ATL2: variants seen among roughly 807,000 people sequenced by gnomAD.
The protein encoded by ATL2 is atlastin GTPase 2.
A neutral mutation model predicts 73.9 loss-of-function variants in ATL2; 31 were observed. The observed-to-expected ratio is 0.42, with a 90% CI of 0.32 to 0.57. The LOEUF is 0.57. Among genes scored for constraint, ATL2 ranks in the 20% least tolerant of loss-of-function variants. The pLI, the probability that ATL2 is intolerant of heterozygous loss-of-function variation, is 0.14. For synonymous variants in ATL2, 291 were observed against 237.5 expected (o/e 1.23, Z -2.07); for missense variants, 738 against 702.6 (o/e 1.05, Z -0.57).
At chr2:38,327,538 T>TACAAAAAAAAAAAAAAAAAAA (rs1668734402) in intron 2 of ATL2, among the ~76,000 whole-genome samples, 1 of 39,484 alleles carries the variant, frequency 2.5e-5, no homozygotes, top group Non-Finnish European at 4.9e-5. Context: ...AAAAAAAAAG[T>TACAAAAAAAAAAAAAAAAAAA]ACAAAAAAAA....
intron 2 of ATL2, among the ~76,000 whole-genome samples, chr2:38,331,652 A>G (rs1406851667): frequency 6.6e-6 from 1 of 151,204 alleles, no homozygotes; most frequent in Admixed American, 6.6e-5. Flanking sequence ...ATACAGATCA[A>G]TGGAATAGAA....
At chr2:38,335,234 TC>T (rs1362679345) in intron 2 of ATL2, among the ~76,000 whole-genome samples, 3 of 151,854 alleles carry the variant, frequency 2.0e-5, no homozygotes, top group African/African-American at 4.8e-5. Context: ...ACCCAGCAAT[TC>T]TACTCCTGGG....
chr2:38,375,772 A>G (rs906472598), intron 1 of ATL2, among the ~76,000 whole-genome samples: 5 of 152,236 alleles, frequency 3.3e-5, no homozygotes, highest in Admixed American at 1.3e-4. Flanking sequence ...TCTAAGGCGA[A>G]GCTGCTTCTT....
At position 38,318,987 on chromosome 2, in the gene ATL2, T is replaced by C; in HGVS notation, c.396A>G (p.Glu132=). The C allele has an allele frequency of 6.2e-7, 1 of 1,613,970 alleles. No individual in the cohort carries two copies. ...DSQSWIGGNN[E]PLTGFTWRGG... Reference sequence around the variant, plus strand: ...CTCGCCATGTAAAGCCTGTCAATGGTTCATTGTTTCCACCAATCCAACTTT... The same window carrying C: ...CTCGCCATGTAAAGCCTGTCAATGGCTCATTGTTTCCACCAATCCAACTTT... The change falls in exon 3 of 13, where the codon GAA becomes GAG. Residue 132 remains glutamate, a synonymous_variant. Coordinates refer to ENST00000378954, the MANE Select transcript of ATL2 (RefSeq NM_001135673.4).
chr2:38,298,725 A>G (rs892727170), intron 11 of ATL2, 150 bp from the exon 12 acceptor site: 1 of 821,776 alleles, frequency 1.2e-6, no homozygotes, highest in Non-Finnish European at 1.9e-6. Flanking sequence ...GGTTATCATA[A>G]TCTAGTTATT....
intron 2 of ATL2, among the ~76,000 whole-genome samples, chr2:38,331,252 A>T (rs781550588): frequency 2.0e-5 from 3 of 151,952 alleles, no homozygotes; most frequent in Non-Finnish European, 4.4e-5. Context: ...GGCCAACTCG[A>T]TGGTAAAACT....
intron 1 of ATL2, among the ~76,000 whole-genome samples, chr2:38,357,928 A>T (rs546557261): frequency 6.6e-6 from 1 of 152,130 alleles, no homozygotes; most frequent in Non-Finnish European, 1.5e-5. Flanking sequence ...CAATTAAACC[A>T]CTGTTTGGGG....
intron 9 of ATL2, among the ~76,000 whole-genome samples, chr2:38,301,866 C>G (rs1405329856): frequency 6.6e-6 from 1 of 152,168 alleles, no homozygotes; most frequent in African/African-American, 2.4e-5. Context: ...CAAGGGACTG[C>G]TAGTGTCACT....
intron 2 of ATL2, among the ~76,000 whole-genome samples, chr2:38,320,536 T>C (rs555379046): frequency 6.6e-6 from 1 of 152,318 alleles, no homozygotes; most frequent in South Asian, 2.1e-4. Context: ...AAATTGTTAT[T>C]ATGAAATAAT....
intron 9 of ATL2, among the ~76,000 whole-genome samples, chr2:38,305,281 C>T (rs924926485): frequency 2.3e-4 from 35 of 152,196 alleles, no homozygotes; most frequent in African/African-American, 6.5e-4. Context: ...GTAATCCCAG[C>T]ACTTTGGGAG....
At chr2:38,302,590 C>T (rs1667245390) in intron 9 of ATL2, among the ~76,000 whole-genome samples, 2 of 152,078 alleles carry the variant, frequency 1.3e-5, no homozygotes, top group South Asian at 4.1e-4. Context: ...TCACCCCCTC[C>T]CCCAGCTCCA....
At position 38,305,189 on chromosome 2, in the gene ATL2, C is replaced by T. The variant is rs926511979; in HGVS notation, c.1071+4190G>A. ...TATAACAATTGTAAATATATATGCA[C>T]CCAACACTGGAGCACCCAGATATAT... On this transcript the variant is annotated intron_variant, in intron 9 of 12. Coordinates refer to ENST00000378954, the MANE Select transcript of ATL2 (RefSeq NM_001135673.4). Among the ~76,000 whole-genome samples, 4 of 152,196 alleles carry T rather than the reference C, an allele frequency of 2.6e-5. No individual in the cohort carries two copies. The East Asian group carries it at 7.7e-4, about 29-fold the overall frequency.
At chr2:38,303,072 G>C (rs1667268331) in intron 9 of ATL2, among the ~76,000 whole-genome samples, 1 of 152,162 alleles carries the variant, frequency 6.6e-6, no homozygotes, top group Admixed American at 6.5e-5. Flanking sequence ...AGAAATTCAA[G>C]ATAACACAGA....
intron 8 of ATL2, 42 bp from the exon 9 acceptor site, chr2:38,309,548 A>C (rs753698754): frequency 1.3e-6 from 2 of 1,582,488 alleles, no homozygotes; most frequent in African/African-American, 1.4e-5. Context: ...TCCAAAAAAA[A>C]TTAGGTCCCC....
intron 1 of ATL2, among the ~76,000 whole-genome samples, chr2:38,350,987 T>C (rs571037931): frequency 5.6e-4 from 85 of 152,308 alleles, no homozygotes; most frequent in Non-Finnish European, 1.0e-3. Context: ...GTAGCATTAA[T>C]GTTAGATTAC....
chr2:38,326,603 C>A (rs1281962006), intron 2 of ATL2, among the ~76,000 whole-genome samples: 1 of 152,112 alleles, frequency 6.6e-6, no homozygotes, highest in Non-Finnish European at 1.5e-5. Flanking sequence ...TGCAAAGTAA[C>A]ACAAAAAGAA....
intron 1 of ATL2, among the ~76,000 whole-genome samples, chr2:38,358,084 T>A (rs1026280481): frequency 2.6e-5 from 4 of 152,164 alleles, no homozygotes; most frequent in African/African-American, 9.7e-5. Flanking sequence ...ACTGCATTAT[T>A]ATCAATCCAA....
rs1669231786 is a variant in ATL2, at chr2:38,334,887, A to ATATATTATT, written c.363+8380_363+8381insAATAATATA. Reference sequence around the variant, plus strand: ...TATTATATAATATATATTATATAATATATAATATATATTATTTATAATATA... The same window carrying ATATATTATT: ...TATTATATAATATATATTATATAATATATATTATTTATAATATATATTATTTATAATATA... On this transcript the variant is annotated intron_variant, in intron 2 of 12. Transcript: ENST00000378954. 2.3e-4 allele frequency among the ~76,000 whole-genome samples: 7 copies of ATATATTATT among 30,886 alleles called. No individual in the cohort carries two copies. The East Asian group carries it at 0.012, about 53-fold the overall frequency. 20.3% of individuals were successfully genotyped at this position (30,886 alleles called of 152,430 possible).
At chr2:38,339,498 T>C (rs567127101) in intron 2 of ATL2, among the ~76,000 whole-genome samples, 2 of 152,214 alleles carry the variant, frequency 1.3e-5, no homozygotes, top group South Asian at 4.1e-4. Context: ...CAGGCTCTCT[T>C]TGTTATATTC....
Sources: gnomAD v4.1 joint callset for allele counts (sites outside exome capture counted in the v4.1 genomes callset) on GRCh38, gnomAD v4.1.1 for gene constraint, MANE v1.5 for transcripts, NCBI Gene and HGNC (gene_info 2026-07-23, HGNC 2026-07-21) for gene names.